The following ANKRD11 variants were observed in gnomAD, a reference collection of about 807,000 sequenced individuals.
ANKRD11 encodes the protein ankyrin repeat domain-containing protein 11.
A neutral mutation model predicts 195.7 loss-of-function variants in ANKRD11; 17 were observed. The ratio of observed to expected loss-of-function variants is 0.09; its 90% CI spans 0.06 to 0.13. ANKRD11 has a LOEUF of 0.13. Ranked by LOEUF, ANKRD11 falls within the 10% of genes least tolerant of loss-of-function variation. The pLI, the probability that ANKRD11 is intolerant of heterozygous loss-of-function variation, is 1.00. For synonymous variants in ANKRD11, 1,953 were observed against 1,528.1 expected (o/e 1.28, Z -6.49); for missense variants, 3,735 against 3,566.1 (o/e 1.05, Z -1.21).
At chr16:89,273,040 G>T (rs2033308856) in intron 11 of ANKRD11, 1 of 88,714 alleles carries the variant, frequency 1.1e-5, no homozygotes, top group African/African-American at 4.4e-5. Flanking sequence ...TGGTTAATGG[G>T]TACCAAAAAA....
rs74033772 is a variant in ANKRD11 at position 89,319,337 on chromosome 16, A to C, written c.-59-2259T>G. On this transcript the variant is annotated intron_variant, in intron 2 of 12. Transcript: ENST00000301030. ...GGTGCTTTGCCCAGGCACCTTCCCC[A>C]ATGGACCAGGGATCTGGGAGTCCAC... 4.1e-3 allele frequency among the ~76,000 whole-genome samples: 622 copies of C among 152,202 alleles called. 6 individuals carry two copies. The highest frequency in any genetic ancestry group is 0.015 in the African/African-American group (604 of 41,536).
chr16:89,288,843 T>G, intron 6 of ANKRD11, 173 bp from the exon 7 acceptor site: 1 of 818,846 alleles, frequency 1.2e-6, no homozygotes, highest in South Asian at 1.5e-5. Flanking sequence ...AACCCCTAAA[T>G]TCTCTTTACT....
chr16:89,330,858 C>T (rs2038028999), intron 2 of ANKRD11, among the ~76,000 whole-genome samples: 1 of 152,186 alleles, frequency 6.6e-6, no homozygotes, highest in Non-Finnish European at 1.5e-5. Flanking sequence ...CCCCCAGTGG[C>T]TTTTGATTAA....
intron 3 of ANKRD11, among the ~76,000 whole-genome samples, chr16:89,316,426 A>G (rs1054649899): frequency 6.6e-6 from 1 of 152,168 alleles, no homozygotes; most frequent in Non-Finnish European, 1.5e-5. Context: ...TCTGCACCCC[A>G]GGAAACTGCA....
chr16:89,289,074 C>T (rs1273300840), intron 6 of ANKRD11: 6 of 303,494 alleles, frequency 2.0e-5, no homozygotes, highest in Non-Finnish European at 3.8e-5. Context: ...GGCTGAGAGC[C>T]TCCTGAAGGC....
intron 1 of ANKRD11, among the ~76,000 whole-genome samples, chr16:89,436,058 A>AC (rs2043203765): frequency 6.6e-6 from 1 of 151,730 alleles, no homozygotes; most frequent in African/African-American, 2.4e-5. Flanking sequence ...ATGACTGCAG[A>AC]CCCCCCAGCA....
chr16:89,480,750 G>A (rs1358117772), intron 1 of ANKRD11, among the ~76,000 whole-genome samples: 1 of 152,048 alleles, frequency 6.6e-6, no homozygotes, highest in Non-Finnish European at 1.5e-5. Context: ...CAAAATATCT[G>A]AGGGCAAATA....
At chr16:89,383,388 A>T (rs1156388726) in intron 2 of ANKRD11, among the ~76,000 whole-genome samples, 3 of 152,238 alleles carry the variant, frequency 2.0e-5, no homozygotes, top group African/African-American at 4.8e-5. Flanking sequence ...CAAGACGAGG[A>T]GATCTGTGCC....
chr16:89,291,171 G>A lies in ANKRD11; in HGVS notation c.239C>T (p.Pro80Leu). 1 of 1,613,796 alleles carries A rather than the reference G, an allele frequency of 6.2e-7. No individual in the cohort carries two copies. Among genetic ancestry groups the A allele is most frequent in the Non-Finnish European group, 8.5e-7 (1 of 1,179,964 alleles). The change falls in exon 5 of 13, where the codon CCT becomes CTT. Residue 80 changes from proline to leucine, a missense_variant. Physicochemically the swap from Pro to Leu is moderately conservative, Grantham distance 98. Coordinates refer to ENST00000301030, the MANE Select transcript of ANKRD11 (RefSeq NM_013275.6). The surrounding 1 kb of genome is among the most constrained non-coding windows in gnomAD (Gnocchi z 5.3). Reference sequence around the variant, plus strand: ...CTCCTTCTTAATCCTCTTCCGCTCAGGGCCCTGCTTCTCTGTGAGGCGGGC... The same window carrying A: ...CTCCTTCTTAATCCTCTTCCGCTCAAGGCCCTGCTTCTCTGTGAGGCGGGC... The part of the protein sequence containing the change: ...QKDSDTEKQG[P>L]ERKRIKKEPV...
At position 89,284,318 on chromosome 16, in the gene ANKRD11, C is replaced by T; in HGVS notation, c.2224G>A (p.Ala742Thr). Residue 742 changes from alanine (A) to threonine (T), a missense_variant, in exon 9 of 13, where the codon GCA becomes ACA. Physicochemically the swap from Ala to Thr is moderately conservative, Grantham distance 58. Transcript: ENST00000301030. The part of the protein sequence containing the change: ...FREEKDRSNK[A>T]EKERSLKEKS... The stretch of plus-strand genomic sequence containing the variant: ...TCCTTCAGCGATCTCTCCTTTTCTG[C>T]TTTATTCGAACGGTCTTTCTCTTCT... 6.2e-7 allele frequency: 1 copy of T among 1,613,852 alleles called. No homozygotes were observed. The highest frequency in any genetic ancestry group is 8.5e-7 in the Non-Finnish European group (1 of 1,180,008).
intron 1 of ANKRD11, among the ~76,000 whole-genome samples, chr16:89,466,411 G>A (rs74033802): frequency 6.6e-6 from 1 of 152,136 alleles, no homozygotes; most frequent in African/African-American, 2.4e-5. Flanking sequence ...GAATGTGACA[G>A]TGGTGATGGG....
chr16:89,344,130 C>T (rs575265480), intron 2 of ANKRD11, among the ~76,000 whole-genome samples: 1 of 152,322 alleles, frequency 6.6e-6, no homozygotes, highest in East Asian at 1.9e-4. Context: ...GGAACAAACC[C>T]TGGAGTCTGT....
intron 2 of ANKRD11, among the ~76,000 whole-genome samples, chr16:89,380,269 C>T (rs2040588250): frequency 1.3e-5 from 2 of 152,120 alleles, no homozygotes; most frequent in Admixed American, 1.3e-4. Context: ...TGTGCCACGA[C>T]GCCTGGCTAA....
rs776947170 is a variant in ANKRD11 at position 89,274,805 on chromosome 16, G to A, written c.7713+9C>T. 32 of 1,608,974 alleles carry A rather than the reference G, an allele frequency of 2.0e-5. No homozygotes were observed. The highest frequency in any genetic ancestry group is 2.5e-5 in the Non-Finnish European group (30 of 1,179,824). On this transcript the variant is annotated intron_variant, in intron 11 of 12. Coordinates refer to ENST00000301030, the MANE Select transcript of ANKRD11 (RefSeq NM_013275.6). The stretch of plus-strand genomic sequence containing the variant: ...GGACTCATGGGCCTGGCATGCAGAC[G>A]GGCCCTACCTGGCTCTCCAGGGGCA...
Position 89,446,284 on chromosome 16 carries a change from T to G in ANKRD11, c.-144-27916A>C, listed in dbSNP as rs143999532. Among the ~76,000 whole-genome samples the G allele has an allele frequency of 5.3e-5, 8 of 152,230 alleles. No homozygotes were observed. In the East Asian group the frequency reaches 1.5e-3, roughly 29 times the overall value. On this transcript the variant is annotated intron_variant, in intron 1 of 12. Coordinates refer to ENST00000301030, the MANE Select transcript of ANKRD11 (RefSeq NM_013275.6). Reference sequence around the variant, plus strand: ...AAACAGATGAGGTTCTCCTAAAGCTTCTGTGACAGCTGCATCTAAACAGTT... The same window carrying G: ...AAACAGATGAGGTTCTCCTAAAGCTGCTGTGACAGCTGCATCTAAACAGTT...
intron 2 of ANKRD11, among the ~76,000 whole-genome samples, chr16:89,414,432 A>G (rs1001120549): frequency 6.6e-6 from 1 of 152,136 alleles, no homozygotes; most frequent in South Asian, 2.1e-4. Flanking sequence ...ACGCAGCCGC[A>G]CCGCCTGAGA....
chr16:89,347,020 T>C (rs999395768), intron 2 of ANKRD11, among the ~76,000 whole-genome samples: 6 of 151,754 alleles, frequency 4.0e-5, no homozygotes, highest in Non-Finnish European at 8.8e-5. Flanking sequence ...ATCCCCAAGG[T>C]TGGTCAGTAG....
chr16:89,407,162 G>A (rs577025112), intron 2 of ANKRD11, among the ~76,000 whole-genome samples: 80 of 151,960 alleles, frequency 5.3e-4, no homozygotes, highest in Non-Finnish European at 1.1e-3. Context: ...TCCAGCCTGG[G>A]CAACAAGAGC....
At chr16:89,381,354 A>AAAAAAAAAAAAAAAAAAAAAAAAAAAAG (rs1555560066) in intron 2 of ANKRD11, among the ~76,000 whole-genome samples, 1 of 125,338 alleles carries the variant, frequency 8.0e-6, no homozygotes. Flanking sequence ...AAAAAAAAAA[A>AAAAAAAAAAAAAAAAAAAAAAAAAAAAG]GGGGTGAGAA....
Sources: allele counts gnomAD v4.1 joint callset (sites outside exome capture counted in the v4.1 genomes callset), GRCh38; gene constraint gnomAD v4.1.1; non-coding constraint Gnocchi (gnomAD v3.1); transcripts MANE v1.5; gene names NCBI Gene and HGNC (gene_info 2026-07-23, HGNC 2026-07-21).